CORO7: variants seen among roughly 807,000 people sequenced by gnomAD.
CORO7 encodes coronin 7.
Under a neutral mutation model 126.6 loss-of-function variants are expected in CORO7, and 107 were observed. The observed-to-expected ratio is 0.85, with a 90% CI of 0.72 to 0.99. The LOEUF is 0.99. CORO7 is among the 50% of genes least tolerant of loss of function. CORO7 has a pLI of 0.00. For synonymous variants in CORO7, 603 were observed against 536.8 expected (o/e 1.12, Z -1.70); for missense variants, 1,314 against 1,255.8 (o/e 1.05, Z -0.70).
intron 1 of CORO7, 69 bp from the exon 2 acceptor site, chr16:4,413,473 G>A (rs1261895257): frequency 1.4e-6 from 2 of 1,435,872 alleles, no homozygotes; most frequent in Admixed American, 2.1e-5. Flanking sequence ...CCTAAAGCAA[G>A]AGGTGGGGCA....
chr16:4,396,745 G>A (rs1238744524), intron 6 of CORO7, among the ~76,000 whole-genome samples: 1 of 152,138 alleles, frequency 6.6e-6, no homozygotes, highest in Non-Finnish European at 1.5e-5. Context: ...GCCAGGCATG[G>A]TGGCTCACGC....
intron 6 of CORO7, among the ~76,000 whole-genome samples, chr16:4,401,826 G>A (rs954717809): frequency 9.2e-5 from 14 of 151,924 alleles, no homozygotes; most frequent in Non-Finnish European, 1.9e-4. Flanking sequence ...TGCAGAGACC[G>A]ACAGCCCGAG....
chr16:4,366,248 C>T (rs1036610568), intron 9 of CORO7, among the ~76,000 whole-genome samples: 1 of 152,180 alleles, frequency 6.6e-6, no homozygotes, highest in Non-Finnish European at 1.5e-5. Context: ...TCTCTGGTCT[C>T]GAGGCAGGAG....
At chr16:4,367,026 C>T (rs1397525475) in intron 9 of CORO7, among the ~76,000 whole-genome samples, 1 of 152,196 alleles carries the variant, frequency 6.6e-6, no homozygotes, top group African/African-American at 2.4e-5. Context: ...CCCATCCCCT[C>T]CTGCCAGCCG....
chr16:4,411,008 T>C (rs919403690), intron 3 of CORO7, among the ~76,000 whole-genome samples: 5 of 152,322 alleles, frequency 3.3e-5, no homozygotes, highest in Admixed American at 1.3e-4. Flanking sequence ...ATGGATTAAC[T>C]GCAAAGGGGC....
intron 9 of CORO7, among the ~76,000 whole-genome samples, chr16:4,369,120 T>G (rs111989937): frequency 0.082 from 12,513 of 152,272 alleles, 904 homozygotes; most frequent in African/African-American, 0.19. Context: ...TGAGGCCGAG[T>G]GGGCAGGAAG....
At chr16:4,367,337 T>C (rs7204205) in intron 9 of CORO7, among the ~76,000 whole-genome samples, 12,424 of 152,288 alleles carry the variant, frequency 0.082, 884 homozygotes, top group African/African-American at 0.19. Context: ...CCACTGGGGC[T>C]GGAAGCAAGT....
intron 6 of CORO7, among the ~76,000 whole-genome samples, chr16:4,402,742 T>G (rs1596332271): frequency 6.6e-6 from 1 of 152,160 alleles, no homozygotes; most frequent in Admixed American, 6.5e-5. Flanking sequence ...GGAGAGGAAC[T>G]GGGCTGCAGA....
chr16:4,381,964 C>A (rs1167013356), intron 9 of CORO7: 3 of 1,608,294 alleles, frequency 1.9e-6, no homozygotes, highest in Non-Finnish European at 2.5e-6. Context: ...CACCACGAGG[C>A]CCGTGGTGCG....
chr16:4,359,392 G>C lies in CORO7; in HGVS notation c.2251-7C>G. 6.2e-7 allele frequency: 1 copy of C among 1,613,618 alleles called. No individual in the cohort carries two copies. Among genetic ancestry groups the C allele is most frequent in the Non-Finnish European group, 8.5e-7 (1 of 1,179,954 alleles). On this transcript the variant is annotated splice_polypyrimidine_tract_variant and splice_region_variant and intron_variant, in intron 22 of 27. Coordinates refer to ENST00000251166, the MANE Select transcript of CORO7 (RefSeq NM_024535.5). Reference sequence around the variant, plus strand: ...GGAATACACGGGTGTCGCCCTGCGGGGAAGAAGGCAGGCTGGGAACCCTCC... The same window carrying C: ...GGAATACACGGGTGTCGCCCTGCGGCGAAGAAGGCAGGCTGGGAACCCTCC...
At chr16:4,374,734 G>A (rs1232258135) in intron 9 of CORO7, among the ~76,000 whole-genome samples, 1 of 151,842 alleles carries the variant, frequency 6.6e-6, no homozygotes, top group African/African-American at 2.4e-5. Flanking sequence ...TCTGCCACGG[G>A]TTGGCCAAGA....
Position 4,379,821 on chromosome 16 carries a change from T to C in CORO7, c.785+8165A>G, listed in dbSNP as rs569220146. ...ACTTTTGGAGGCTGAGGCGGGCAGA[T>C]CACCTGAGGTCAGGAGTTCCAGACC... On this transcript the variant is annotated intron_variant, in intron 9 of 27. Coordinates refer to ENST00000251166, the MANE Select transcript of CORO7 (RefSeq NM_024535.5). Among the ~76,000 whole-genome samples the C allele has an allele frequency of 1.9e-3, 280 of 144,732 alleles. 2 individuals carry two copies. The highest frequency in any genetic ancestry group is 6.7e-3 in the African/African-American group (259 of 38,868). The allele number at this position is 144,732 out of a possible 152,430, so 94.9% of individuals were successfully genotyped here. A position where few individuals can be genotyped will look rare whatever the true frequency, so the allele number is the denominator to read the frequency against.
chr16:4,362,115 C>T lies in CORO7; in HGVS notation c.1448G>A (p.Arg483Gln), dbSNP rs914281860. ...FRHAQGTVLH[R>Q]DSHITNLKGL... is the part of the protein sequence containing the mutation. ...CTTGAGGTTGGTGATGTGGCTGTCTCGGTGCAGGACAGTGCCCTGAGCATG... is the reference window on the plus strand; with the variant it reads ...CTTGAGGTTGGTGATGTGGCTGTCTTGGTGCAGGACAGTGCCCTGAGCATG... The change falls in exon 16 of 28, where the codon CGA becomes CAA. Residue 483 changes from arginine to glutamine, a missense_variant. Transcript: ENST00000251166. This position sits in a 1 kb window ranked among gnomAD's most constrained non-coding sequence, Gnocchi z 5.3. The T allele has an allele frequency of 4.8e-5, 77 of 1,612,822 alleles. No homozygotes were observed. The highest frequency in any genetic ancestry group is 6.3e-5 in the Non-Finnish European group (74 of 1,179,880).
At chr16:4,389,679 C>T (rs1321312260) in intron 7 of CORO7, among the ~76,000 whole-genome samples, 1 of 152,218 alleles carries the variant, frequency 6.6e-6, no homozygotes, top group East Asian at 1.9e-4. Flanking sequence ...GAACCAAGGC[C>T]CCACTGCCCT....
At chr16:4,384,304 C>T (rs1211942950) in intron 9 of CORO7, among the ~76,000 whole-genome samples, 1 of 152,216 alleles carries the variant, frequency 6.6e-6, no homozygotes, top group African/African-American at 2.4e-5. Context: ...GAGCATTTTC[C>T]AGGAAGGCTG....
At chr16:4,416,408 C>A in intron 1 of CORO7, 51 bp downstream of exon 1, 2 of 1,506,400 alleles carry the variant, frequency 1.3e-6, no homozygotes, top group East Asian at 2.7e-5. Context: ...GGGGGAGGGG[C>A]AGCCGGACGG....
intron 6 of CORO7, among the ~76,000 whole-genome samples, chr16:4,403,486 C>T (rs1260065185): frequency 6.6e-6 from 1 of 152,132 alleles, no homozygotes; most frequent in Non-Finnish European, 1.5e-5. Flanking sequence ...GGGAGTCGTT[C>T]CACTAAGCAT....
At chr16:4,385,877 G>A (rs2055177754) in intron 9 of CORO7, among the ~76,000 whole-genome samples, 2 of 152,250 alleles carry the variant, frequency 1.3e-5, no homozygotes, top group Admixed American at 1.3e-4. Flanking sequence ...AAGCCAAGAT[G>A]GAAAATCTGT....
intron 7 of CORO7, among the ~76,000 whole-genome samples, chr16:4,390,282 G>A (rs540364818): frequency 6.6e-6 from 1 of 152,190 alleles, no homozygotes; most frequent in South Asian, 2.1e-4. Context: ...AAAAAGCACT[G>A]TAACAGAATT....
Sources: gnomAD v4.1 joint callset for allele counts (sites outside exome capture counted in the v4.1 genomes callset) on GRCh38, gnomAD v4.1.1 for gene constraint, Gnocchi (gnomAD v3.1) non-coding constraint, MANE v1.5 for transcripts, NCBI Gene and HGNC (gene_info 2026-07-23, HGNC 2026-07-21) for gene names.